PIAS1: variants seen among roughly 807,000 people sequenced by gnomAD.
PIAS1 encodes protein inhibitor of activated STAT 1, also known as E3 SUMO-protein ligase PIAS1.
In PIAS1, 6 loss-of-function variants were observed where a neutral mutation model predicts 71.3. The ratio of observed to expected loss-of-function variants is 0.08; its 90% confidence interval spans 0.05 to 0.17. The LOEUF is 0.17. Ranked by LOEUF, PIAS1 falls within the 10% of genes least tolerant of loss-of-function variation. PIAS1 has a pLI of 1.00. For synonymous variants in PIAS1, 303 were observed against 292.9 expected, an observed-to-expected ratio of 1.03 and a Z score of -0.35; for missense variants, 555 against 793.6, an observed-to-expected ratio of 0.70 and a Z score of 3.61.
chr15:68,189,412 G>A lies in PIAS1; in HGVS notation c.*1577G>A, dbSNP rs1218142095. On this transcript the variant is annotated 3_prime_UTR_variant, in exon 14 of 14. Transcript: ENST00000249636. ...CTATTAATGTTCTCAGAGTTGATGA[G>A]GACCACCTTTGTGTATACACTTGTA... The A allele has an allele frequency of 6.6e-6, 1 of 152,100 alleles. No individual in the cohort carries two copies. Among genetic ancestry groups the A allele is most frequent in the Non-Finnish European group, 1.5e-5 (1 of 68,012 alleles). The allele number at this position is 152,100 out of a possible 1,614,324, so 9.4% of individuals were successfully genotyped here.
intron 1 of PIAS1, among the ~76,000 whole-genome samples, chr15:68,068,606 C>A (rs1056834221): frequency 6.6e-6 from 1 of 151,898 alleles, no homozygotes; most frequent in African/African-American, 2.4e-5. Flanking sequence ...GTGTCTGCCA[C>A]CATGCTTGGC....
chr15:68,064,034 T>C (rs1156419845), intron 1 of PIAS1, among the ~76,000 whole-genome samples: 1 of 152,228 alleles, frequency 6.6e-6, no homozygotes, highest in African/African-American at 2.4e-5. Flanking sequence ...GAAAAGTACC[T>C]GTAAAACACT....
At chr15:68,070,111 C>A (rs1323064932) in intron 1 of PIAS1, among the ~76,000 whole-genome samples, 1 of 152,118 alleles carries the variant, frequency 6.6e-6, no homozygotes, top group Non-Finnish European at 1.5e-5. Flanking sequence ...TGCTGGCTCA[C>A]TGGAAAGTTT....
chr15:68,186,951 C>T lies in PIAS1; in HGVS notation c.1663-591C>T, dbSNP rs1175754987. Among the ~76,000 whole-genome samples, 6 of 152,312 alleles carry T rather than the reference C, an allele frequency of 3.9e-5. No homozygotes were observed. Among genetic ancestry groups the T allele is most frequent in the East Asian group, 3.9e-4 (2 of 5,194 alleles). On this transcript the variant is annotated intron_variant, in intron 13 of 13. Coordinates refer to ENST00000249636, the MANE Select transcript of PIAS1 (RefSeq NM_016166.3). This position sits in a 1 kb window ranked among gnomAD's most constrained non-coding sequence, Gnocchi z 4.4. ...AATGATGCATTTCTCAAAACACATC[C>T]GTGTCATTAAGCGACGCATGACTGT...
At chr15:68,110,366 G>A (rs2092512367) in intron 2 of PIAS1, among the ~76,000 whole-genome samples, 1 of 152,070 alleles carries the variant, frequency 6.6e-6, no homozygotes, top group African/African-American at 2.4e-5. Context: ...AGGCCGAGGT[G>A]GGTGGATCAC....
At chr15:68,164,606 T>G (rs2092945150) in intron 7 of PIAS1, 125 bp from the exon 8 acceptor site, 1 of 503,374 alleles carries the variant, frequency 2.0e-6, no homozygotes, top group Non-Finnish European at 3.5e-6. Context: ...TATCTTTCCA[T>G]TCAATTGATT....
chr15:68,065,686 A>G (rs1430488110), intron 1 of PIAS1, among the ~76,000 whole-genome samples: 1 of 151,174 alleles, frequency 6.6e-6, no homozygotes, highest in South Asian at 2.1e-4. Flanking sequence ...TCTGTAAGTA[A>G]TGCTAAACGG....
At chr15:68,120,453 A>AT (rs1166888046) in intron 2 of PIAS1, among the ~76,000 whole-genome samples, 1 of 151,402 alleles carries the variant, frequency 6.6e-6, no homozygotes, top group African/African-American at 2.4e-5. Flanking sequence ...TAATGATTCA[A>AT]TTTTTGTCTC....
chr15:68,139,743 A>G lies in PIAS1; in HGVS notation c.470-2203A>G, dbSNP rs117508607. ...AATTAGATTTCAGGTTTTATGTAAAATCTCATCTTTATAAAACTTTGTTTT... is the reference window on the plus strand; with the variant it reads ...AATTAGATTTCAGGTTTTATGTAAAGTCTCATCTTTATAAAACTTTGTTTT... On this transcript the variant is annotated intron_variant, in intron 2 of 13. Coordinates refer to ENST00000249636, the MANE Select transcript of PIAS1 (RefSeq NM_016166.3). Among the ~76,000 whole-genome samples, 39 of 152,264 alleles carry G rather than the reference A, an allele frequency of 2.6e-4. 1 individual carries two copies. The East Asian group carries it at 3.1e-3, about 12-fold the overall frequency.
At chr15:68,089,565 A>AT (rs1341578045) in intron 2 of PIAS1, among the ~76,000 whole-genome samples, 8 of 151,466 alleles carry the variant, frequency 5.3e-5, no homozygotes, top group South Asian at 2.1e-4. Context: ...TTTTATTTTT[A>AT]TTTTTTTGAG....
At chr15:68,132,845 T>G (rs1158575872) in intron 2 of PIAS1, among the ~76,000 whole-genome samples, 1 of 152,180 alleles carries the variant, frequency 6.6e-6, no homozygotes, top group Non-Finnish European at 1.5e-5. Context: ...CTCAGTTTTA[T>G]CTTTTGAATT....
intron 1 of PIAS1, among the ~76,000 whole-genome samples, chr15:68,071,405 C>G (rs963706299): frequency 2.0e-5 from 3 of 148,862 alleles, no homozygotes; most frequent in African/African-American, 7.4e-5. Flanking sequence ...TTAGTAGAGA[C>G]GGGGTTTCAC....
intron 1 of PIAS1, among the ~76,000 whole-genome samples, chr15:68,061,682 G>A (rs935035585): frequency 6.6e-6 from 1 of 151,980 alleles, no homozygotes; most frequent in Non-Finnish European, 1.5e-5. Flanking sequence ...CAGTTTACCC[G>A]CTTTGGTTGC....
At chr15:68,065,635 G>T (rs957950231) in intron 1 of PIAS1, among the ~76,000 whole-genome samples, 2 of 150,942 alleles carry the variant, frequency 1.3e-5, no homozygotes, top group Admixed American at 6.6e-5. Context: ...TCTCTTACAA[G>T]GCAGTTTGCT....
At chr15:68,141,245 A>G (rs2141046392) in intron 2 of PIAS1, among the ~76,000 whole-genome samples, 1 of 152,210 alleles carries the variant, frequency 6.6e-6, no homozygotes, top group South Asian at 2.1e-4. Context: ...TGTTGCTCAT[A>G]ACGGCATACT....
At chr15:68,180,728 G>T (rs975318612) in intron 11 of PIAS1, among the ~76,000 whole-genome samples, 2 of 152,284 alleles carry the variant, frequency 1.3e-5, no homozygotes, top group South Asian at 2.1e-4. Context: ...AATCTGAGGG[G>T]CCAGCTGGTA....
Position 68,175,657 on chromosome 15 carries a change from A to C in PIAS1, c.1190A>C (p.Lys397Thr). ...TATAGCTTGTTTATGGAAATCCTAA[A>C]GTACTGTACAGACTGTGATGAAATA... is the stretch of plus-strand genomic sequence containing the variant. ...IIDGLFMEIL[K>T]YCTDCDEIQF... Residue 397 changes from lysine (K) to threonine (T), a missense_variant, in exon 10 of 14, where the codon AAG (lysine) becomes ACG (threonine). By Grantham distance (78) the Lys-to-Thr change is moderately conservative (BLOSUM62 -1). Transcript: ENST00000249636. The C allele has an allele frequency of 6.6e-7, 1 of 1,524,080 alleles. No individual in the cohort carries two copies. Among genetic ancestry groups the C allele is most frequent in the Non-Finnish European group, 8.9e-7 (1 of 1,126,266 alleles). 94.4% of individuals were successfully genotyped at this position (1,524,080 alleles called of 1,614,324 possible).
At chr15:68,149,820 T>C (rs750330518) in intron 6 of PIAS1, among the ~76,000 whole-genome samples, 4 of 152,152 alleles carry the variant, frequency 2.6e-5, no homozygotes, top group Non-Finnish European at 5.9e-5. Flanking sequence ...CCTAATACTT[T>C]TGTCATTTAT....
chr15:68,151,514 A>G, intron 6 of PIAS1, among the ~76,000 whole-genome samples: 1 of 151,850 alleles, frequency 6.6e-6, no homozygotes, highest in Non-Finnish European at 1.5e-5. Context: ...GGTGAATAAG[A>G]TTTTTTTCTA....
Sources: allele counts gnomAD v4.1 joint callset (sites outside exome capture counted in the v4.1 genomes callset), GRCh38; gene constraint gnomAD v4.1.1; non-coding constraint Gnocchi (gnomAD v3.1); transcripts MANE v1.5; gene names NCBI Gene and HGNC (gene_info 2026-07-23, HGNC 2026-07-21).